IWS1: variants seen among roughly 807,000 people sequenced by gnomAD.
The protein encoded by IWS1 is protein IWS1 homolog.
Under a neutral mutation model 86.7 loss-of-function variants are expected in IWS1, and 27 were observed. That is an observed-to-expected ratio of 0.31 (90% CI 0.23 to 0.43). The LOEUF (loss-of-function observed/expected upper bound fraction) is 0.43. IWS1 is among the 20% of genes least tolerant of loss of function. The pLI is 1.00. For synonymous variants in IWS1, 313 were observed against 335.1 expected (o/e 0.93, Z 0.72); for missense variants, 827 against 1,000.8 (o/e 0.83, Z 2.34).
At chr2:127,481,352 T>C (rs1236326704) in intron 13 of IWS1, among the ~76,000 whole-genome samples, 177 bp from the exon 14 acceptor site, 3 of 152,096 alleles carry the variant, frequency 2.0e-5, no homozygotes, top group Admixed American at 2.0e-4. Flanking sequence ...TAGAAACGCA[T>C]ATTAAACTCT....
rs1405293665 is a variant in IWS1, at chr2:127,489,347, T to C, written c.2160-112A>G. ...ATAACTATTAATAGCTCTTTTACGATGGATCAGGGAAAATAATTCCTAATC... is the reference window on the plus strand; with the variant it reads ...ATAACTATTAATAGCTCTTTTACGACGGATCAGGGAAAATAATTCCTAATC... On this transcript the variant is annotated intron_variant, in intron 11 of 13. Transcript: ENST00000295321. The surrounding 1 kb of genome is among the most constrained non-coding windows in gnomAD (Gnocchi z 4.8). 2.9e-6 allele frequency: 2 copies of C among 699,412 alleles called. No individual in the cohort carries two copies. The highest frequency in any genetic ancestry group is 5.0e-6 in the Non-Finnish European group (2 of 400,322). The allele number at this position is 699,412 out of a possible 1,614,324, so 43.3% of individuals were successfully genotyped here.
chr2:127,516,469 TAAAG>T, intron 2 of IWS1, among the ~76,000 whole-genome samples: 1 of 152,116 alleles, frequency 6.6e-6, no homozygotes, highest in African/African-American at 2.4e-5. Flanking sequence ...ATCAGATATC[TAAAG>T]AAATAGGCCT....
chr2:127,491,742 C>A (rs188066974), intron 10 of IWS1, among the ~76,000 whole-genome samples: 1 of 152,246 alleles, frequency 6.6e-6, no homozygotes, highest in African/African-American at 2.4e-5. Context: ...CCACACCCAG[C>A]CTCTTACTTG....
At chr2:127,503,244 C>T (rs189163160) in intron 4 of IWS1, 143 bp downstream of exon 4, 2 of 601,800 alleles carry the variant, frequency 3.3e-6, no homozygotes, top group East Asian at 5.3e-5. Context: ...GATTCACCCA[C>T]ATTGTAGTGT....
chr2:127,512,883 TCA>T (rs1358259611), intron 2 of IWS1, among the ~76,000 whole-genome samples: 1 of 152,254 alleles, frequency 6.6e-6, no homozygotes, highest in East Asian at 1.9e-4. Context: ...TAATAAATTA[TCA>T]CACATTATAT....
chr2:127,486,875 C>A (rs1403545968), intron 12 of IWS1, among the ~76,000 whole-genome samples: 1 of 152,220 alleles, frequency 6.6e-6, no homozygotes, highest in African/African-American at 2.4e-5. Flanking sequence ...CCTCACTTCT[C>A]TTCCAAAGCC....
chr2:127,499,798 C>T lies in IWS1; in HGVS notation c.1468-1561G>A, dbSNP rs923416925. On this transcript the variant is annotated intron_variant, in intron 5 of 13. Transcript: ENST00000295321. This position sits in a 1 kb window ranked among gnomAD's most constrained non-coding sequence, Gnocchi z 4.0. ...TTTAAGCAGGGTTTAAGTTTCTGAGCGGCAAACAGATTGGAAAATATATAC... is the reference window on the plus strand; with the variant it reads ...TTTAAGCAGGGTTTAAGTTTCTGAGTGGCAAACAGATTGGAAAATATATAC... Among the ~76,000 whole-genome samples, 1 of 151,566 alleles carries T rather than the reference C, an allele frequency of 6.6e-6. No homozygotes were observed. Among genetic ancestry groups the T allele is most frequent in the Non-Finnish European group, 1.5e-5 (1 of 67,922 alleles).
rs1337197984 is a variant in IWS1 at position 127,499,473 on chromosome 2, A to G, written c.1468-1236T>C. 2.0e-5 allele frequency among the ~76,000 whole-genome samples: 3 copies of G among 152,194 alleles called. No individual in the cohort carries two copies. The highest frequency in any genetic ancestry group is 4.4e-5 in the Non-Finnish European group (3 of 68,038). On this transcript the variant is annotated intron_variant, in intron 5 of 13. Coordinates refer to ENST00000295321, the MANE Select transcript of IWS1 (RefSeq NM_017969.3). This position sits in a 1 kb window ranked among gnomAD's most constrained non-coding sequence, Gnocchi z 4.0. ...TGTGTTATACTTAGAGGCTTTCTCA[A>G]TGGTTCACCTAGTACAATTTTTTTC...
At position 127,503,537 on chromosome 2, in the gene IWS1, G is replaced by C. The variant is rs372139423; in HGVS notation, c.1259C>G (p.Ser420Cys). 1 of 1,611,772 alleles carries C rather than the reference G, an allele frequency of 6.2e-7. No individual in the cohort carries two copies. The highest frequency in any genetic ancestry group is 8.5e-7 in the Non-Finnish European group (1 of 1,178,850). Residue 420 changes from serine (S) to cysteine (C), a missense_variant, in exon 4 of 14, where the codon TCT (serine) becomes TGT (cysteine). Transcript: ENST00000295321. Reference protein sequence around the residue: ...KSRVVSDADDSDSDAVSDKSG... With the variant: ...KSRVVSDADDCDSDAVSDKSG... Reference sequence around the variant, plus strand: ...CTTGTCTGATACAGCATCACTGTCAGAGTCATCTGCATCAGAGACAACACG... The same window carrying C: ...CTTGTCTGATACAGCATCACTGTCACAGTCATCTGCATCAGAGACAACACG...
chr2:127,496,515 G>T (rs747561701), intron 6 of IWS1, among the ~76,000 whole-genome samples: 1 of 149,000 alleles, frequency 6.7e-6, no homozygotes, highest in Non-Finnish European at 1.5e-5. Flanking sequence ...TTCATTCATG[G>T]CAAGTACTCT....
chr2:127,492,114 A>T, intron 9 of IWS1, 26 bp from the exon 10 acceptor site: 2 of 1,447,694 alleles, frequency 1.4e-6, no homozygotes, highest in South Asian at 1.1e-5. Context: ...ACATACACAC[A>T]TATTAATCAC....
chr2:127,502,770 A>G (rs1182302097), intron 5 of IWS1, 45 bp downstream of exon 5: 4 of 1,134,940 alleles, frequency 3.5e-6, no homozygotes, highest in Non-Finnish European at 5.3e-6. Context: ...AAAAACACCA[A>G]AAAAAAGCAC....
chr2:127,505,850 G>C lies in IWS1; in HGVS notation c.151-98C>G. 1 of 786,538 alleles carries C rather than the reference G, an allele frequency of 1.3e-6. No homozygotes were observed. The highest frequency in any genetic ancestry group is 2.8e-5 in the East Asian group (1 of 35,888). 48.7% of individuals were successfully genotyped at this position (786,538 alleles called of 1,614,324 possible). ...TTTTCTGTGATTTTTTTAAAATACA[G>C]GATTATGTGCACCTAAATGGAGAAT... On this transcript the variant is annotated intron_variant, in intron 2 of 13. Coordinates refer to ENST00000295321, the MANE Select transcript of IWS1 (RefSeq NM_017969.3). This position sits in a 1 kb window ranked among gnomAD's most constrained non-coding sequence, Gnocchi z 5.0.
intron 2 of IWS1, among the ~76,000 whole-genome samples, chr2:127,509,809 TAAAC>T (rs1407652590): frequency 6.8e-6 from 1 of 147,718 alleles, no homozygotes; most frequent in African/African-American, 2.5e-5. Context: ...TCCATCATAA[TAAAC>T]AATCTTGTTT....
chr2:127,493,457 T>G, intron 8 of IWS1, 47 bp from the exon 9 acceptor site: 1 of 1,534,162 alleles, frequency 6.5e-7, no homozygotes, highest in Non-Finnish European at 8.7e-7. Flanking sequence ...TTGGTTCTAC[T>G]GTATCTTCCG....
At position 127,489,643 on chromosome 2, in the gene IWS1, T is replaced by C. The variant is rs560875733; in HGVS notation, c.2159+189A>G. On this transcript the variant is annotated intron_variant, in intron 11 of 13. Coordinates refer to ENST00000295321, the MANE Select transcript of IWS1 (RefSeq NM_017969.3). This position sits in a 1 kb window ranked among gnomAD's most constrained non-coding sequence, Gnocchi z 4.8. ...AACAAACTGACCCAGAAAGGTCTGGTTAGGAGGACAGGACCCTCACTATAC... is the reference window on the plus strand; with the variant it reads ...AACAAACTGACCCAGAAAGGTCTGGCTAGGAGGACAGGACCCTCACTATAC... 1.6e-5 allele frequency: 9 copies of C among 571,298 alleles called. No homozygotes were observed. In the South Asian group the frequency reaches 2.1e-4, roughly 13 times the overall value. 35.4% of individuals were successfully genotyped at this position (571,298 alleles called of 1,614,324 possible).
At chr2:127,506,698 C>A (rs988802895) in intron 2 of IWS1, 1 of 168,678 alleles carries the variant, frequency 5.9e-6, no homozygotes. Context: ...TTACAGTAGT[C>A]ACGGTCCTGT....
chr2:127,505,942 T>C lies in IWS1; in HGVS notation c.151-190A>G, dbSNP rs2104706160. 1 of 460,298 alleles carries C rather than the reference T, an allele frequency of 2.2e-6. No homozygotes were observed. Among genetic ancestry groups the C allele is most frequent in the Non-Finnish European group, 3.8e-6 (1 of 263,774 alleles). 28.5% of individuals were successfully genotyped at this position (460,298 alleles called of 1,614,324 possible). A position where few individuals can be genotyped will look rare whatever the true frequency, so the allele number is the denominator to read the frequency against. ...AATCAGTGAAATGGTTTTATTTGGA[T>C]CCCCAAATGGGGAAATATAACCAGC... On this transcript the variant is annotated intron_variant, in intron 2 of 13. Coordinates refer to ENST00000295321, the MANE Select transcript of IWS1 (RefSeq NM_017969.3). This position sits in a 1 kb window ranked among gnomAD's most constrained non-coding sequence, Gnocchi z 5.0.
At chr2:127,492,542 G>A (rs111322634) in intron 9 of IWS1, among the ~76,000 whole-genome samples, 9,207 of 49,596 alleles carry the variant, frequency 0.19, 406 homozygotes, top group Middle Eastern at 0.21. Context: ...GCAAAACTCC[G>A]TCTCAAAAAA....
Sources: allele counts gnomAD v4.1 joint callset (sites outside exome capture counted in the v4.1 genomes callset), GRCh38; gene constraint gnomAD v4.1.1; non-coding constraint Gnocchi (gnomAD v3.1); transcripts MANE v1.5; gene names NCBI Gene and HGNC (gene_info 2026-07-23, HGNC 2026-07-21).